LMO7: variants seen among roughly 807,000 people sequenced by gnomAD.
LMO7 encodes LIM domain 7.
In LMO7, 120 loss-of-function variants were observed where a neutral mutation model predicts 206.5. That is an observed-to-expected ratio of 0.58 (90% CI 0.50 to 0.68). The LOEUF (loss-of-function observed/expected upper bound fraction) is 0.68. LMO7 is among the 30% of genes least tolerant of loss of function. LMO7 has a pLI of 0.00. For synonymous variants in LMO7, 706 were observed against 681.5 expected (o/e 1.04, Z -0.56); for missense variants, 1,959 against 1,957.9 (o/e 1.00, Z -0.01).
chr13:75,671,298 A>G (rs556281379), intron 1 of LMO7, among the ~76,000 whole-genome samples: 3 of 152,108 alleles, frequency 2.0e-5, no homozygotes, highest in South Asian at 2.1e-4. Context: ...TATCCTGTAC[A>G]TAACTGTTCA....
chr13:75,847,868 T>C (rs1348883555), intron 26 of LMO7, among the ~76,000 whole-genome samples: 1 of 152,204 alleles, frequency 6.6e-6, no homozygotes, highest in East Asian at 1.9e-4. Flanking sequence ...CTTTATGTTC[T>C]CATGCAGCAC....
At chr13:75,718,042 C>T (rs1048565805) in intron 2 of LMO7, among the ~76,000 whole-genome samples, 7 of 152,152 alleles carry the variant, frequency 4.6e-5, no homozygotes, top group African/African-American at 1.7e-4. Context: ...TGTAAGGGTT[C>T]AAGTTCATAA....
Position 75,858,039 on chromosome 13 carries a change from T to C in LMO7, c.*96T>C. The C allele has an allele frequency of 6.8e-7, 1 of 1,464,154 alleles. No individual in the cohort carries two copies. The allele number at this position is 1,464,154 out of a possible 1,614,324, so 90.7% of individuals were successfully genotyped here. On this transcript the variant is annotated 3_prime_UTR_variant, in exon 31 of 31. Coordinates refer to ENST00000377534, the MANE Select transcript of LMO7 (RefSeq NM_001306080.2). ...ATATGTGTTGTATGTCTTTTTTGCTTTTTTTTTAAAAAAAAGAATAACTTT... is the reference window on the plus strand; with the variant it reads ...ATATGTGTTGTATGTCTTTTTTGCTCTTTTTTTAAAAAAAAGAATAACTTT...
chr13:75,643,180 G>C (rs1335344324), intron 1 of LMO7, among the ~76,000 whole-genome samples: 1 of 152,134 alleles, frequency 6.6e-6, no homozygotes, highest in East Asian at 1.9e-4. Flanking sequence ...TCTGGATGCC[G>C]AGAGTGCTTT....
At chr13:75,813,847 TA>T (rs2056703756) in intron 11 of LMO7, among the ~76,000 whole-genome samples, 1 of 152,208 alleles carries the variant, frequency 6.6e-6, no homozygotes, top group African/African-American at 2.4e-5. Context: ...AAAAGATTAT[TA>T]AAATATTAGC....
At position 75,636,599 on chromosome 13, in the gene LMO7, G is replaced by A. The variant is rs2035887424; in HGVS notation, c.-59G>A. 5.2e-6 allele frequency: 8 copies of A among 1,543,762 alleles called. No individual in the cohort carries two copies. In the Admixed American group the frequency reaches 1.6e-4, roughly 30 times the overall value. ...CCCCGCCCGTGGGGCCCAGACGCGC[G>A]GGGACAACCCCTCCCCTCCACGCAT... On this transcript the variant is annotated 5_prime_UTR_variant, in exon 1 of 31. Transcript: ENST00000377534.
chr13:75,845,071 C>T (rs1251615062), intron 25 of LMO7, among the ~76,000 whole-genome samples: 1 of 152,172 alleles, frequency 6.6e-6, no homozygotes, highest in Non-Finnish European at 1.5e-5. Flanking sequence ...TCTTCATCAT[C>T]ATACAAACTG....
At chr13:75,766,822 C>T (rs1350979016) in intron 4 of LMO7, among the ~76,000 whole-genome samples, 1 of 152,050 alleles carries the variant, frequency 6.6e-6, no homozygotes, top group Non-Finnish European at 1.5e-5. Flanking sequence ...TACCATACAT[C>T]TTTGCGTGTT....
chr13:75,781,096 C>CTTTTTTTTTTTTTTTTTTTTTTTCT (rs367937964), intron 4 of LMO7, among the ~76,000 whole-genome samples: 8 of 41,918 alleles, frequency 1.9e-4, no homozygotes, highest in African/African-American at 8.0e-4. Context: ...CTCTATTTTC[C>CTTTTTTTTTTTTTTTTTTTTTTTCT]TTTTTTTTTT....
intron 17 of LMO7, among the ~76,000 whole-genome samples, chr13:75,834,856 C>T (rs1427207724): frequency 6.6e-6 from 1 of 152,124 alleles, no homozygotes; most frequent in East Asian, 1.9e-4. Context: ...TGGGAAAAGG[C>T]ATTAAGCCTC....
At chr13:75,842,521 T>C (rs1041894173) in intron 24 of LMO7, among the ~76,000 whole-genome samples, 3 of 152,214 alleles carry the variant, frequency 2.0e-5, no homozygotes, top group Non-Finnish European at 2.9e-5. Context: ...TTTGTTTATC[T>C]GTTAGCCTGC....
chr13:75,692,370 C>T (rs556719882), intron 1 of LMO7, among the ~76,000 whole-genome samples: 11 of 151,786 alleles, frequency 7.2e-5, no homozygotes, highest in South Asian at 4.2e-4. Flanking sequence ...AGGAGTGCTA[C>T]GATTCCTTAA....
rs75859487 is a variant in LMO7 at position 75,760,943 on chromosome 13, C to T, written c.222C>T (p.Asn74=). The change falls in exon 4 of 31, where the codon AAC becomes AAT. Residue 74 remains asparagine, a synonymous_variant. Transcript: ENST00000377534. ...STPIAGLDNI[N]VFLKACEQIG... ...ACTTCTTTTCACAGGATAATATAAACGTTTTCTTGAAAGCTTGTGAACAGA... is the reference window on the plus strand; with the variant it reads ...ACTTCTTTTCACAGGATAATATAAATGTTTTCTTGAAAGCTTGTGAACAGA... 1.4e-4 allele frequency: 228 copies of T among 1,613,302 alleles called. 3 individuals are homozygous for T. In the African/African-American group the frequency reaches 2.6e-3, roughly 18 times the overall value.
intron 1 of LMO7, among the ~76,000 whole-genome samples, chr13:75,660,448 C>T (rs2038472791): frequency 6.6e-6 from 1 of 152,156 alleles, no homozygotes; most frequent in Admixed American, 6.5e-5. Flanking sequence ...CAGGGAATGG[C>T]ATCTCCATTC....
At chr13:75,695,838 A>G (rs2041856258) in intron 1 of LMO7, among the ~76,000 whole-genome samples, 2 of 152,256 alleles carry the variant, frequency 1.3e-5, no homozygotes, top group Admixed American at 1.3e-4. Flanking sequence ...GTGGTGTTAT[A>G]TAAAAATCTT....
rs116180920 is a variant in LMO7, at chr13:75,814,946, A to G, written c.1947-2215A>G. ...GGAGCAGAGGGAGTGGGGGCATGGT[A>G]CTGATGAGCACAGAGAAGGAGGTAG... On this transcript the variant is annotated intron_variant, in intron 11 of 30. Transcript: ENST00000377534. 3.7e-3 allele frequency among the ~76,000 whole-genome samples: 557 copies of G among 152,250 alleles called. 3 individuals carry two copies. The highest frequency in any genetic ancestry group is 0.013 in the African/African-American group (540 of 41,554).
At chr13:75,720,933 TTTAAA>T (rs1194138901) in intron 2 of LMO7, among the ~76,000 whole-genome samples, 1 of 152,202 alleles carries the variant, frequency 6.6e-6, no homozygotes, top group Admixed American at 6.5e-5. Context: ...CTTTTAGACT[TTTAAA>T]TTATATATAC....
At chr13:75,693,622 A>G (rs1307834551) in intron 1 of LMO7, among the ~76,000 whole-genome samples, 2 of 152,180 alleles carry the variant, frequency 1.3e-5, no homozygotes, top group African/African-American at 4.8e-5. Context: ...GGAAAATATT[A>G]GTTAATGCTG....
intron 2 of LMO7, among the ~76,000 whole-genome samples, chr13:75,623,682 AT>A (rs915955842): frequency 2.2e-4 from 33 of 151,860 alleles, no homozygotes; most frequent in Non-Finnish European, 4.0e-4. Context: ...AAAAAAAAAA[AT>A]AATTAAATTG....
Sources: gnomAD v4.1 joint callset for allele counts (sites outside exome capture counted in the v4.1 genomes callset) on GRCh38, gnomAD v4.1.1 for gene constraint, MANE v1.5 for transcripts, NCBI Gene and HGNC (gene_info 2026-07-23, HGNC 2026-07-21) for gene names.